TRIM36: variants seen among roughly 807,000 people sequenced by gnomAD.
TRIM36 encodes the protein E3 ubiquitin-protein ligase TRIM36.
Under a neutral mutation model 72.4 loss-of-function variants are expected in TRIM36, and 42 were observed. The observed-to-expected ratio is 0.58, with a 90% CI of 0.45 to 0.75. The LOEUF (loss-of-function observed/expected upper bound fraction) is 0.75. TRIM36 is among the 30% of genes least tolerant of loss of function. The pLI is 0.00. For missense variants in TRIM36, 913 were observed against 857.1 expected (o/e 1.07, Z -0.81); for synonymous variants, 315 against 282.8 (o/e 1.11, Z -1.14).
Position 115,147,152 on chromosome 5 carries a change from C to G in TRIM36, c.505G>C (p.Glu169Gln). The G allele has an allele frequency of 1.2e-6, 2 of 1,614,188 alleles. No individual in the cohort carries two copies. Among genetic ancestry groups the G allele is most frequent in the South Asian group, 2.2e-5 (2 of 91,088 alleles). ...CMDCSASYCN[E>Q]CFKIHHPWGT... ...CAAGGGTGATGAATTTTGAAGCATT[C>G]ATTGCAGTAACTTGCACTACAGTCC... The change falls in exon 3 of 10, where the codon GAA (glutamate) becomes CAA (glutamine). Residue 169 changes from glutamate (E) to glutamine (Q), a missense_variant. Glu to Gln is a conservative substitution (Grantham distance 29, BLOSUM62 2). Coordinates refer to ENST00000513154, the MANE Select transcript of TRIM36 (RefSeq NM_001300759.2).
chr5:115,130,940 T>C (rs1752644683), intron 8 of TRIM36, 51 bp from the exon 9 acceptor site: 2 of 1,544,220 alleles, frequency 1.3e-6, no homozygotes, highest in Non-Finnish European at 1.7e-6. Context: ...ATTGCTCTAG[T>C]TTGTTAAATC....
chr5:115,130,221 A>G (rs1179262951), intron 9 of TRIM36, among the ~76,000 whole-genome samples: 1 of 152,244 alleles, frequency 6.6e-6, no homozygotes, highest in Non-Finnish European at 1.5e-5. Flanking sequence ...AGTTTAAAGA[A>G]ACTGTGTCCC....
intron 1 of TRIM36, among the ~76,000 whole-genome samples, chr5:115,165,649 C>T (rs746233353): frequency 4.6e-5 from 7 of 152,220 alleles, no homozygotes; most frequent in African/African-American, 1.7e-4. Context: ...CACAGCCGGA[C>T]CTGCTTGCTC....
intron 2 of TRIM36, among the ~76,000 whole-genome samples, chr5:115,159,000 A>C (rs1754334572): frequency 6.6e-6 from 1 of 152,254 alleles, no homozygotes. Flanking sequence ...TCCATTAAAA[A>C]GCAGTCAATG....
chr5:115,178,141 G>C (rs1312143550), intron 1 of TRIM36, among the ~76,000 whole-genome samples: 1 of 152,114 alleles, frequency 6.6e-6, no homozygotes, highest in East Asian at 1.9e-4. Context: ...GTCCTACCCC[G>C]AAATTATTCT....
chr5:115,172,147 AC>A (rs1755144153), upstream of TRIM36, among the ~76,000 whole-genome samples: 1 of 152,234 alleles, frequency 6.6e-6, no homozygotes, highest in South Asian at 2.1e-4. Flanking sequence ...TATCAAAAAT[AC>A]AAGATTTACA....
intron 1 of TRIM36, among the ~76,000 whole-genome samples, chr5:115,178,697 A>G (rs972912182): frequency 6.6e-6 from 1 of 152,134 alleles, no homozygotes; most frequent in Non-Finnish European, 1.5e-5. Flanking sequence ...CTCCAATTGT[A>G]CTTCTGGCCC....
intron 5 of TRIM36, among the ~76,000 whole-genome samples, chr5:115,140,375 T>C (rs1183873481): frequency 5.3e-5 from 8 of 152,178 alleles, no homozygotes; most frequent in Non-Finnish European, 1.0e-4. Flanking sequence ...CCAATCCCCT[T>C]TTACTATTAT....
upstream of TRIM36, among the ~76,000 whole-genome samples, chr5:115,173,640 T>C (rs1248092981): frequency 6.6e-6 from 1 of 152,162 alleles, no homozygotes; most frequent in Non-Finnish European, 1.5e-5. Context: ...TATGCTTTTG[T>C]AGATGTTGAG....
At chr5:115,142,059 C>T (rs1191535719) in intron 4 of TRIM36, among the ~76,000 whole-genome samples, 1 of 152,000 alleles carries the variant, frequency 6.6e-6, no homozygotes, top group African/African-American at 2.4e-5. Flanking sequence ...AACACAAAAG[C>T]CCCGAAACAC....
chr5:115,177,441 T>C (rs1755386054), intron 1 of TRIM36: 41 of 972,892 alleles, frequency 4.2e-5, no homozygotes, highest in Middle Eastern at 4.6e-4. Flanking sequence ...ACTCTCATAA[T>C]TAGACCAGTT....
At chr5:115,173,589 C>A (rs1755213849), upstream of TRIM36, among the ~76,000 whole-genome samples, 1 of 151,972 alleles carries the variant, frequency 6.6e-6, no homozygotes, top group African/African-American at 2.4e-5. Flanking sequence ...GGTGGTAAAC[C>A]TGTGGTAACA....
At chr5:115,169,921 C>T (rs1333787178), upstream of TRIM36, 1 of 1,276,746 alleles carries the variant, frequency 7.8e-7, no homozygotes, top group Non-Finnish European at 9.9e-7. Flanking sequence ...CTGGGAACGG[C>T]GCCGCGCAGA....
chr5:115,133,767 G>A, intron 8 of TRIM36, 93 bp downstream of exon 8: 3 of 1,286,750 alleles, frequency 2.3e-6, no homozygotes, highest in Non-Finnish European at 3.1e-6. Flanking sequence ...GCTGGTTTCA[G>A]TGCAGGTCTA....
intron 2 of TRIM36, among the ~76,000 whole-genome samples, chr5:115,156,241 G>A (rs1193249708): frequency 6.6e-6 from 1 of 151,856 alleles, no homozygotes; most frequent in Non-Finnish European, 1.5e-5. Flanking sequence ...ATACTGCCAT[G>A]AGCAATCTAC....
At chr5:115,167,708 T>A (rs1194830574) in intron 1 of TRIM36, among the ~76,000 whole-genome samples, 5 of 152,244 alleles carry the variant, frequency 3.3e-5, no homozygotes, top group Admixed American at 3.3e-4. Context: ...CATCTTCCTG[T>A]CTTCTTCTGA....
intron 2 of TRIM36, among the ~76,000 whole-genome samples, chr5:115,162,496 C>T (rs186473817): frequency 6.6e-6 from 1 of 152,288 alleles, no homozygotes; most frequent in African/African-American, 2.4e-5. Flanking sequence ...TCTTGTTCTT[C>T]ATATGAATCA....
At chr5:115,149,141 A>G (rs563462257) in intron 2 of TRIM36, 1 of 152,332 alleles carries the variant, frequency 6.6e-6, no homozygotes, top group South Asian at 2.1e-4. Flanking sequence ...TGCCCCATAA[A>G]AATTTGAAAA....
intron 2 of TRIM36, among the ~76,000 whole-genome samples, chr5:115,159,107 G>A (rs1163312657): frequency 6.6e-6 from 1 of 152,106 alleles, no homozygotes; most frequent in East Asian, 1.9e-4. Context: ...GTCTAATAAA[G>A]GAGTGTACAT....
Sources: allele counts gnomAD v4.1 joint callset (sites outside exome capture counted in the v4.1 genomes callset), GRCh38; gene constraint gnomAD v4.1.1; transcripts MANE v1.5; gene names NCBI Gene and HGNC (gene_info 2026-07-23, HGNC 2026-07-21).